Variants in NEK7 observed in about 807,000 individuals in gnomAD.
The protein encoded by NEK7 is serine/threonine-protein kinase Nek7.
In NEK7, 18 loss-of-function variants were observed where a neutral mutation model predicts 44.6. The ratio of observed to expected loss-of-function variants is 0.40; its 90% CI spans 0.28 to 0.60. The LOEUF is 0.60. Among genes scored for constraint, NEK7 ranks in the 20% least tolerant of loss-of-function variants. The pLI is 0.38. For missense variants in NEK7, 256 were observed against 366.5 expected, an observed-to-expected ratio of 0.70 and a Z score of 2.46; for synonymous variants, 130 against 121.1, an observed-to-expected ratio of 1.07 and a Z score of -0.48.
intron 1 of NEK7, chr1:198,197,912 G>A: frequency 7.5e-7 from 1 of 1,328,990 alleles, no homozygotes; most frequent in Non-Finnish European, 1.1e-6. Flanking sequence ...GAACATGCCA[G>A]GAGCCAAGGG....
intron 1 of NEK7, among the ~76,000 whole-genome samples, chr1:198,223,746 TTCA>T (rs1449108594): frequency 6.6e-6 from 1 of 152,234 alleles, no homozygotes; most frequent in African/African-American, 2.4e-5. Flanking sequence ...GAAACCTGTA[TTCA>T]TCAGTATGAC....
intron 1 of NEK7, among the ~76,000 whole-genome samples, chr1:198,162,673 G>C (rs1664143821): frequency 6.6e-6 from 1 of 152,046 alleles, no homozygotes; most frequent in Non-Finnish European, 1.5e-5. Context: ...CCTTGGCCCA[G>C]TTTTGTCTTA....
chr1:198,199,893 G>A (rs930796241), intron 1 of NEK7, among the ~76,000 whole-genome samples: 1 of 151,512 alleles, frequency 6.6e-6, no homozygotes, highest in East Asian at 1.9e-4. Context: ...TTTTCAATTC[G>A]AGCTTTTTGT....
intron 1 of NEK7, among the ~76,000 whole-genome samples, chr1:198,164,957 T>C (rs1041856464): frequency 1.2e-4 from 18 of 152,250 alleles, no homozygotes; most frequent in Non-Finnish European, 2.2e-4. Flanking sequence ...AAATCCTATG[T>C]TGTCATTTTA....
chr1:198,235,051 G>T lies in NEK7; in HGVS notation c.57+2414G>T, dbSNP rs1571558114. 2.6e-5 allele frequency among the ~76,000 whole-genome samples: 4 copies of T among 152,228 alleles called. No homozygotes were observed. In the South Asian group the frequency reaches 8.3e-4, roughly 32 times the overall value. On this transcript the variant is annotated intron_variant, in intron 2 of 9. Transcript: ENST00000367385. ...GTTCCACACCACTGGCCTGAATAATGGGGATGATATGGCAACATCTGGTTA... is the reference window on the plus strand; with the variant it reads ...GTTCCACACCACTGGCCTGAATAATTGGGATGATATGGCAACATCTGGTTA...
intron 1 of NEK7, among the ~76,000 whole-genome samples, chr1:198,207,527 A>G (rs1665633189): frequency 6.6e-6 from 1 of 152,224 alleles, no homozygotes; most frequent in African/African-American, 2.4e-5. Flanking sequence ...GTACTCAGCC[A>G]TAAAAATGAA....
intron 1 of NEK7, among the ~76,000 whole-genome samples, chr1:198,177,339 A>G (rs1356192995): frequency 6.6e-6 from 1 of 152,130 alleles, no homozygotes; most frequent in Non-Finnish European, 1.5e-5. Flanking sequence ...GCCAGAAGTA[A>G]TGGAACAATT....
chr1:198,315,019 C>A (rs1198537570), intron 9 of NEK7, among the ~76,000 whole-genome samples: 12 of 152,190 alleles, frequency 7.9e-5, no homozygotes, highest in Non-Finnish European at 1.2e-4. Context: ...ATGGCGGGCG[C>A]CCCTCCCCCA....
intron 1 of NEK7, among the ~76,000 whole-genome samples, chr1:198,183,556 T>A (rs1415947401): frequency 6.6e-6 from 1 of 152,226 alleles, no homozygotes; most frequent in Non-Finnish European, 1.5e-5. Context: ...TGTTTCTGAC[T>A]TATAGTAAAT....
intron 9 of NEK7, among the ~76,000 whole-genome samples, chr1:198,307,634 A>G (rs930133851): frequency 3.3e-5 from 5 of 152,132 alleles, no homozygotes. Context: ...TGTCAGGTGG[A>G]CACCCTTAGT....
At chr1:198,170,226 G>A (rs752180553) in intron 1 of NEK7, among the ~76,000 whole-genome samples, 95 of 152,240 alleles carry the variant, frequency 6.2e-4, no homozygotes, top group Non-Finnish European at 1.1e-3. Flanking sequence ...CTCAGAGTGG[G>A]GTGAGATAGG....
intron 1 of NEK7, among the ~76,000 whole-genome samples, chr1:198,209,088 T>TAC (rs1290364130): frequency 1.4e-5 from 2 of 142,100 alleles, no homozygotes; most frequent in African/African-American, 2.6e-5. Flanking sequence ...TATGTATATA[T>TAC]ACACACATAT....
rs59463396 is a variant in NEK7 at position 198,271,924 on chromosome 1, T to TACAC, written c.373-6021_373-6018dup. Among the ~76,000 whole-genome samples, 81 of 134,564 alleles carry TACAC rather than the reference T, an allele frequency of 6.0e-4. No individual in the cohort carries two copies. The Middle Eastern group carries it at 0.02, about 33-fold the overall frequency. 88.3% of individuals were successfully genotyped at this position (134,564 alleles called of 152,430 possible). On this transcript the variant is annotated intron_variant, in intron 5 of 9. Transcript: ENST00000367385. ...TATATTTTATATATATATATATATA[T>TACAC]ACACACACACACACACACATAGATA...
intron 3 of NEK7, among the ~76,000 whole-genome samples, chr1:198,254,425 T>C (rs979826959): frequency 1.1e-4 from 17 of 152,194 alleles, no homozygotes; most frequent in African/African-American, 4.1e-4. Flanking sequence ...TTTACATAAA[T>C]GAAGCATGTT....
intron 1 of NEK7, chr1:198,197,706 T>C: frequency 2.0e-6 from 1 of 512,176 alleles, no homozygotes; most frequent in Non-Finnish European, 3.6e-6. Context: ...TTTCCCCTGG[T>C]ACAATATGGC....
At chr1:198,166,899 T>G (rs1664285261) in intron 1 of NEK7, among the ~76,000 whole-genome samples, 1 of 152,236 alleles carries the variant, frequency 6.6e-6, no homozygotes, top group African/African-American at 2.4e-5. Context: ...CCACAAACCT[T>G]CAGTTTATAA....
intron 8 of NEK7, 74 bp from the exon 9 acceptor site, chr1:198,297,053 G>A (rs973706200): frequency 3.9e-5 from 37 of 950,028 alleles, no homozygotes; most frequent in African/African-American, 8.2e-5. Context: ...TTCTACCCCC[G>A]TATAATATAC....
At chr1:198,282,232 G>T (rs1481718423) in intron 7 of NEK7, among the ~76,000 whole-genome samples, 1 of 151,950 alleles carries the variant, frequency 6.6e-6, no homozygotes, top group East Asian at 1.9e-4. Context: ...GTTTCCACTA[G>T]AGTTATCTTC....
intron 5 of NEK7, among the ~76,000 whole-genome samples, chr1:198,266,963 C>CAGG (rs1452193796): frequency 5.3e-5 from 8 of 152,058 alleles, no homozygotes; most frequent in African/African-American, 1.9e-4. Flanking sequence ...AGTCACTAGA[C>CAGG]AGGAGCACCC....
Sources: allele counts gnomAD v4.1 joint callset (sites outside exome capture counted in the v4.1 genomes callset), GRCh38; gene constraint gnomAD v4.1.1; transcripts MANE v1.5; gene names NCBI Gene and HGNC (gene_info 2026-07-23, HGNC 2026-07-21).